SGCD: variants seen among roughly 807,000 people sequenced by gnomAD.
The protein encoded by SGCD is delta-sarcoglycan.
Under a neutral mutation model 36.6 loss-of-function variants are expected in SGCD, and 18 were observed. The observed-to-expected ratio is 0.49, with a 90% CI of 0.34 to 0.73. SGCD has a LOEUF of 0.73. Among genes scored for constraint, SGCD ranks in the 30% least tolerant of loss-of-function variants. The pLI, the probability that SGCD is intolerant of heterozygous loss-of-function variation, is 0.01. For synonymous variants in SGCD, 133 were observed against 130.6 expected, an observed-to-expected ratio of 1.02 and a Z score of -0.12; for missense variants, 387 against 346.7, an observed-to-expected ratio of 1.12 and a Z score of -0.92.
Position 156,309,611 on chromosome 5 carries a change from T to G in SGCD, c.-43-19923T>G, listed in dbSNP as rs1767334224. Among the ~76,000 whole-genome samples, 5 of 150,484 alleles carry G rather than the reference T, an allele frequency of 3.3e-5. No homozygotes were observed. In the South Asian group the frequency reaches 1.1e-3, roughly 32 times the overall value. ...TTTAGATCTTTGAGCATTTTTTTTT[T>G]TTTTTTTGAGACAGAGTCTCGCACT... On this transcript the variant is annotated intron_variant, in intron 3 of 9. Transcript: ENST00000517913.
chr5:156,283,320 A>T (rs1300325029), intron 3 of SGCD, among the ~76,000 whole-genome samples: 1 of 152,122 alleles, frequency 6.6e-6, no homozygotes, highest in East Asian at 1.9e-4. Context: ...CCCAAATTGA[A>T]CTGTTCTCTG....
At chr5:156,603,290 A>G (rs1433663855) in intron 6 of SGCD, among the ~76,000 whole-genome samples, 1 of 152,006 alleles carries the variant, frequency 6.6e-6, no homozygotes, top group Admixed American at 6.5e-5. Flanking sequence ...TGTAACGTTT[A>G]CTTTTTTATT....
intron 3 of SGCD, among the ~76,000 whole-genome samples, chr5:156,433,755 T>G (rs1220215853): frequency 3.9e-5 from 6 of 152,200 alleles, no homozygotes; most frequent in Non-Finnish European, 7.3e-5. Flanking sequence ...TGCAGCTTGA[T>G]AATAGGGTAA....
intron 4 of SGCD, among the ~76,000 whole-genome samples, chr5:156,556,801 T>A (rs1759040423): frequency 6.6e-6 from 1 of 152,182 alleles, no homozygotes; most frequent in South Asian, 2.1e-4. Context: ...AATCAGCAAA[T>A]AATGAGAGAA....
chr5:156,589,549 AT>A (rs966488102), intron 5 of SGCD, among the ~76,000 whole-genome samples: 1 of 152,160 alleles, frequency 6.6e-6, no homozygotes, highest in African/African-American at 2.4e-5. Context: ...AAGAAAAAAA[AT>A]TTTTCTAAGC....
intron 3 of SGCD, among the ~76,000 whole-genome samples, chr5:156,237,196 T>C (rs1765188368): frequency 6.6e-6 from 1 of 152,204 alleles, no homozygotes; most frequent in South Asian, 2.1e-4. Flanking sequence ...ATTTTATATC[T>C]AAAAGTAGCA....
chr5:156,586,076 A>T (rs1341244856), intron 4 of SGCD, among the ~76,000 whole-genome samples: 16 of 142,638 alleles, frequency 1.1e-4, no homozygotes, highest in Admixed American at 1.0e-3. Context: ...TTTTTTTTTT[A>T]AAGTAATATC....
At chr5:156,457,652 C>T (rs567953694) in intron 3 of SGCD, among the ~76,000 whole-genome samples, 1 of 152,302 alleles carries the variant, frequency 6.6e-6, no homozygotes, top group Admixed American at 6.5e-5. Flanking sequence ...ATATCTGACC[C>T]TGGGGCAAAC....
intron 3 of SGCD, among the ~76,000 whole-genome samples, chr5:156,175,088 A>G (rs924409454): frequency 7.9e-5 from 12 of 152,204 alleles, no homozygotes; most frequent in African/African-American, 2.9e-4. Context: ...TATAAAGTCA[A>G]CTGAAGAGAG....
chr5:156,247,879 C>T (rs1488118778), intron 3 of SGCD, among the ~76,000 whole-genome samples: 1 of 152,134 alleles, frequency 6.6e-6, no homozygotes, highest in African/African-American at 2.4e-5. Context: ...GGACCCAGCC[C>T]CTGCTTCGTG....
chr5:155,811,563 A>G, the SGCD span, among the ~76,000 whole-genome samples: 1 of 152,214 alleles, frequency 6.6e-6, no homozygotes, highest in Non-Finnish European at 1.5e-5. Context: ...ACGAAAAACC[A>G]AAAATAAGCC....
chr5:156,711,745 G>C (rs1445510444), intron 7 of SGCD, among the ~76,000 whole-genome samples: 2 of 152,186 alleles, frequency 1.3e-5, no homozygotes, highest in Non-Finnish European at 2.9e-5. Context: ...TATAGGAAAA[G>C]GGTCCTGATC....
intron 1 of SGCD, among the ~76,000 whole-genome samples, chr5:155,899,582 G>A (rs1756342234): frequency 6.6e-6 from 1 of 152,132 alleles, no homozygotes; most frequent in Admixed American, 6.5e-5. Context: ...TTAGAAGCAT[G>A]CTTTAGATTA....
intron 4 of SGCD, among the ~76,000 whole-genome samples, chr5:156,557,994 C>T (rs1490630515): frequency 6.7e-6 from 1 of 149,532 alleles, no homozygotes; most frequent in Non-Finnish European, 1.5e-5. Flanking sequence ...TTTTTGTATT[C>T]CCAGTGCCTA....
At position 155,882,869 on chromosome 5, in the gene SGCD, C is replaced by T. The variant is rs371416313; in HGVS notation, c.-282+12445C>T. Among the ~76,000 whole-genome samples the T allele has an allele frequency of 3.1e-4, 47 of 152,244 alleles. No homozygotes were observed. In the South Asian group the frequency reaches 8.9e-3, roughly 29 times the overall value. ...AGCCTGCCCTTTGAAGCTTTAAAGC[C>T]GGGCATTGACTTTTGCTCTCTAGCT... On this transcript the variant is annotated intron_variant, in intron 1 of 9. Coordinates refer to the SGCD transcript ENST00000517913.
At chr5:155,988,172 A>G (rs1215238880) in intron 1 of SGCD, among the ~76,000 whole-genome samples, 2 of 152,056 alleles carry the variant, frequency 1.3e-5, no homozygotes, top group African/African-American at 4.8e-5. Context: ...CTTCTACAAC[A>G]TCTCTGCAGT....
intron 3 of SGCD, among the ~76,000 whole-genome samples, chr5:156,223,303 A>G (rs1764765295): frequency 6.6e-6 from 1 of 152,086 alleles, no homozygotes; most frequent in African/African-American, 2.4e-5. Flanking sequence ...CTATTAGATG[A>G]TAGTGGAGAT....
chr5:156,580,774 A>G (rs1369547809), intron 4 of SGCD, among the ~76,000 whole-genome samples: 2 of 152,096 alleles, frequency 1.3e-5, no homozygotes, highest in East Asian at 3.9e-4. Flanking sequence ...TCTTCTCTAC[A>G]CTATTTATTC....
intron 7 of SGCD, among the ~76,000 whole-genome samples, chr5:156,745,323 A>C (rs1246567268): frequency 6.6e-6 from 1 of 152,210 alleles, no homozygotes; most frequent in Non-Finnish European, 1.5e-5. Context: ...GATAACTTCA[A>C]ACTGGCCTTC....
Sources: allele counts gnomAD v4.1 joint callset (sites outside exome capture counted in the v4.1 genomes callset), GRCh38; gene constraint gnomAD v4.1.1; transcripts MANE v1.5; gene names NCBI Gene and HGNC (gene_info 2026-07-23, HGNC 2026-07-21).